The following KRT15 variants were observed in gnomAD, a reference collection of about 807,000 sequenced individuals.
The protein encoded by KRT15 is keratin 15, also known as keratin, type I cytoskeletal 15.
A neutral mutation model predicts 46.6 loss-of-function variants in KRT15; 45 were observed. The ratio of observed to expected loss-of-function variants is 0.97; its 90% CI spans 0.76 to 1.24. KRT15 has a LOEUF of 1.24. Ranked by LOEUF, KRT15 falls within the 50% of genes most tolerant of loss-of-function variation. KRT15 has a pLI of 0.00. For synonymous variants in KRT15, 221 were observed against 233.8 expected (o/e 0.95, Z 0.50); for missense variants, 592 against 588.9 (o/e 1.01, Z -0.05).
rs1905243345 is a variant in KRT15, at chr17:41,513,893, G to T, written c.*130C>A. On this transcript the variant is annotated 3_prime_UTR_variant, in exon 8 of 8. Coordinates refer to ENST00000254043, the MANE Select transcript of KRT15 (RefSeq NM_002275.4). ...GCGCATGCAAAGCCCTGAAATAAAA[G>T]ACCGAGGGACCCTTTTCAGCTCTCT... 2.3e-5 allele frequency: 17 copies of T among 737,094 alleles called. No homozygotes were observed. The Admixed American group carries it at 3.3e-4, about 14-fold the overall frequency. The allele number at this position is 737,094 out of a possible 1,614,324, so 45.7% of individuals were successfully genotyped here. A position where few individuals can be genotyped will look rare whatever the true frequency, so the allele number is the denominator to read the frequency against.
rs1597772810 is a variant in KRT15 at position 41,515,352 on chromosome 17, A to G, written c.1247+120T>C. On this transcript the variant is annotated intron_variant, in intron 6 of 7. Coordinates refer to ENST00000254043, the MANE Select transcript of KRT15 (RefSeq NM_002275.4). Reference sequence around the variant, plus strand: ...GAGTCCAGATCCTCCCTCCTTGCTCAGTTCTCTTTTCACAGTCCCTCAAGG... The same window carrying G: ...GAGTCCAGATCCTCCCTCCTTGCTCGGTTCTCTTTTCACAGTCCCTCAAGG... 4 of 795,990 alleles carry G rather than the reference A, an allele frequency of 5.0e-6. No homozygotes were observed. In the East Asian group the frequency reaches 7.8e-5, roughly 16 times the overall value. The allele number at this position is 795,990 out of a possible 1,614,324, so 49.3% of individuals were successfully genotyped here. A position where few individuals can be genotyped will look rare whatever the true frequency, so the allele number is the denominator to read the frequency against.
intron 6 of KRT15, 156 bp from the exon 7 acceptor site, chr17:41,514,830 T>A (rs1208893711): frequency 1.6e-6 from 1 of 640,634 alleles, no homozygotes; most frequent in Non-Finnish European, 2.7e-6. Flanking sequence ...TGCTAGCCCA[T>A]CCAGGCCTGC....
Position 41,517,269 on chromosome 17 carries a change from C to G in KRT15, c.499-104G>C, listed in dbSNP as rs1905432067. 7 of 970,306 alleles carry G rather than the reference C, an allele frequency of 7.2e-6. No homozygotes were observed. In the East Asian group the frequency reaches 1.7e-4, roughly 24 times the overall value. 60.1% of individuals were successfully genotyped at this position (970,306 alleles called of 1,614,324 possible). On this transcript the variant is annotated intron_variant, in intron 1 of 7. Coordinates refer to ENST00000254043, the MANE Select transcript of KRT15 (RefSeq NM_002275.4). ...CTCATTGAAAATCACCCCTCACTGA[C>G]AATCACCCCTCTGACACCACCAACA...
intron 6 of KRT15, 44 bp from the exon 7 acceptor site, chr17:41,514,718 C>T: frequency 2.5e-6 from 4 of 1,608,406 alleles, no homozygotes; most frequent in Non-Finnish European, 3.4e-6. Context: ...GGCACAAGCT[C>T]AAGTGTCCGT....
At position 41,516,152 on chromosome 17, in the gene KRT15, G is replaced by A; in HGVS notation, c.852C>T (p.Ala284=). The part of the protein sequence containing the change: ...VLAEMREQYE[A]MAEKNRRDVE... ...CATCCCGGCGGTTCTTCTCCGCCAT[G>A]GCCTCGTACTGCTCCCTCATCTCTG... The change falls in exon 4 of 8, where the codon GCC becomes GCT. Residue 284 remains alanine (A), a synonymous_variant. Coordinates refer to ENST00000254043, the MANE Select transcript of KRT15 (RefSeq NM_002275.4). 1 of 1,614,192 alleles carries A rather than the reference G, an allele frequency of 6.2e-7. No homozygotes were observed. Among genetic ancestry groups the A allele is most frequent in the East Asian group, 2.2e-5 (1 of 44,864 alleles).
At chr17:41,514,787 C>A in intron 6 of KRT15, 113 bp from the exon 7 acceptor site, 1 of 1,049,824 alleles carries the variant, frequency 9.5e-7, no homozygotes, top group African/African-American at 1.6e-5. Context: ...CACCACCACC[C>A]ACACATCTGA....
Position 41,514,298 on chromosome 17 carries a change from G to A in KRT15, c.1274-178C>T, listed in dbSNP as rs1597771971. The stretch of plus-strand genomic sequence containing the variant: ...ATTCCTCATCACAGAGATGGGCAGT[G>A]GCAATGGCAGGTATGCCCGGCAGGG... On this transcript the variant is annotated intron_variant, in intron 7 of 7. Coordinates refer to ENST00000254043, the MANE Select transcript of KRT15 (RefSeq NM_002275.4). 32 of 615,608 alleles carry A rather than the reference G, an allele frequency of 5.2e-5. No homozygotes were observed. The East Asian group carries it at 8.2e-4, about 16-fold the overall frequency. 38.1% of individuals were successfully genotyped at this position (615,608 alleles called of 1,614,324 possible). A position where few individuals can be genotyped will look rare whatever the true frequency, so the allele number is the denominator to read the frequency against.
rs1905256337 is a variant in KRT15, at chr17:41,514,202, G to A, written c.1274-82C>T. The A allele has an allele frequency of 1.1e-5, 12 of 1,073,204 alleles. No homozygotes were observed. In the East Asian group the frequency reaches 2.8e-4, roughly 25 times the overall value. 66.5% of individuals were successfully genotyped at this position (1,073,204 alleles called of 1,614,324 possible). A position where few individuals can be genotyped will look rare whatever the true frequency, so the allele number is the denominator to read the frequency against. On this transcript the variant is annotated intron_variant, in intron 7 of 7. Transcript: ENST00000254043. ...GGCCAGGACCTTGGCGGGGCTCTGG[G>A]AAAACTAGACAGCACCCCTGAGAAT... is the stretch of plus-strand genomic sequence containing the variant.
rs1421475692 is a variant in KRT15 at position 41,516,936 on chromosome 17, CCTGG to C, written c.606_609del (p.Gln203AlafsTer16). The stretch of plus-strand genomic sequence containing the variant: ...AAGCCGTTGATGTCAGCCTCAACGC[CCTGG>C]CGCAGGGCCAGCTCATTCTCATACC... On this transcript the variant is annotated frameshift_variant, in exon 3 of 8. Transcript: ENST00000254043. LOFTEE classifies it high-confidence loss of function. 1.2e-5 allele frequency: 19 copies of C among 1,614,212 alleles called. No individual in the cohort carries two copies. Among genetic ancestry groups the C allele is most frequent in the Non-Finnish European group, 1.5e-5 (18 of 1,180,044 alleles).
At position 41,515,951 on chromosome 17, in the gene KRT15, C is replaced by T. The variant is rs145005480; in HGVS notation, c.960G>A (p.Thr320=). Residue 320 remains threonine (T), a synonymous_variant, in exon 5 of 8, where the codon ACG becomes ACA. Transcript: ENST00000254043. Reference sequence around the variant, plus strand: ...TCGTGCGTCTCAGGTCTGTGATCTCCGTCTTGCTGGTCTGGATCATTTCTG... The same window carrying T: ...TCGTGCGTCTCAGGTCTGTGATCTCTGTCTTGCTGGTCTGGATCATTTCTG... ...SNTEMIQTSK[T]EITDLRRTMQ... 9 of 1,614,038 alleles carry T rather than the reference C, an allele frequency of 5.6e-6. No homozygotes were observed. The highest frequency in any genetic ancestry group is 5.3e-5 in the African/African-American group (4 of 74,932).
At chr17:41,517,557 T>C in intron 1 of KRT15, 1 of 257,208 alleles carries the variant, frequency 3.9e-6, no homozygotes, top group Non-Finnish European at 7.6e-6. Flanking sequence ...CACTGCCTCC[T>C]GCACACCTTG....
intron 5 of KRT15, 74 bp downstream of exon 5, chr17:41,515,811 C>T (rs1311453154): frequency 6.2e-7 from 1 of 1,610,558 alleles, no homozygotes; most frequent in Non-Finnish European, 8.5e-7. Context: ...TTGAGAACTC[C>T]AAGGCTTAAA....
intron 1 of KRT15, among the ~76,000 whole-genome samples, chr17:41,517,999 A>G (rs1905471600): frequency 6.6e-6 from 1 of 152,056 alleles, no homozygotes; most frequent in African/African-American, 2.4e-5. Context: ...GACACGAGCA[A>G]TCCTATCACC....
Position 41,516,194 on chromosome 17 carries a change from G to A in KRT15, c.810C>T (p.Asp270=), listed in dbSNP as rs778551588. The A allele has an allele frequency of 6.8e-6, 11 of 1,614,166 alleles. No individual in the cohort carries two copies. Among genetic ancestry groups the A allele is most frequent in the Non-Finnish European group, 8.5e-6 (10 of 1,180,024 alleles). The change falls in exon 4 of 8, where the codon GAC becomes GAT. Residue 270 remains aspartate, a synonymous_variant. Coordinates refer to ENST00000254043, the MANE Select transcript of KRT15 (RefSeq NM_002275.4). ...TCATCTCTGCCAGCACACGGGTCAG[G>A]TCCACACCCGGTGCTGCGTCCATCT... is the stretch of plus-strand genomic sequence containing the variant. ...NVEMDAAPGV[D]LTRVLAEMRE...
At position 41,513,961 on chromosome 17, in the gene KRT15, G is replaced by A; in HGVS notation, c.*62C>T. 8.1e-7 allele frequency: 1 copy of A among 1,239,996 alleles called. No homozygotes were observed. The highest frequency in any genetic ancestry group is 1.2e-6 in the Non-Finnish European group (1 of 839,018). The allele number at this position is 1,239,996 out of a possible 1,614,324, so 76.8% of individuals were successfully genotyped here. A position where few individuals can be genotyped will look rare whatever the true frequency, so the allele number is the denominator to read the frequency against. ...TTTGCATGTGCAGGCCCTCTGGCCA[G>A]TCCTCCACTTGGCCTGATGAGAGTG... On this transcript the variant is annotated 3_prime_UTR_variant, in exon 8 of 8. Coordinates refer to ENST00000254043, the MANE Select transcript of KRT15 (RefSeq NM_002275.4).
chr17:41,518,806 T>G lies in KRT15; in HGVS notation c.22A>C (p.Thr8Pro). ...CCACCCCCAAAGGTGGAGGAAGAAG[T>G]TTGCAGAAATGTGGTGGTCATGGCC... MTTTFLQ[T>P]SSSTFGGGST... Residue 8 changes from threonine to proline, a missense_variant, in exon 1 of 8, where the codon ACT becomes CCT. Coordinates refer to ENST00000254043, the MANE Select transcript of KRT15 (RefSeq NM_002275.4). 1 of 1,526,154 alleles carries G rather than the reference T, an allele frequency of 6.6e-7. No individual in the cohort carries two copies. The highest frequency in any genetic ancestry group is 8.7e-7 in the Non-Finnish European group (1 of 1,145,574). 94.5% of individuals were successfully genotyped at this position (1,526,154 alleles called of 1,614,324 possible).
Position 41,515,537 on chromosome 17 carries a change from G to T in KRT15, c.1182C>A (p.Asp394Glu). The change falls in exon 6 of 8, where the codon GAC becomes GAA. Residue 394 changes from aspartate to glutamate, a missense_variant. Physicochemically the swap from Asp to Glu is conservative, Grantham distance 45. Transcript: ENST00000254043. ...AQNQEYKMLL[D>E]IKTRLEQEIA... ...TCTCCTGCTCCAGCCGTGTCTTTAT[G>T]TCAAGCAGCATCTTGTACTCCTGGT... The T allele has an allele frequency of 6.2e-7, 1 of 1,614,102 alleles. No homozygotes were observed. Among genetic ancestry groups the T allele is most frequent in the African/African-American group, 1.3e-5 (1 of 75,058 alleles).
At position 41,516,961 on chromosome 17, in the gene KRT15, A is replaced by G. The variant is rs769105807; in HGVS notation, c.585T>C (p.Tyr195=). 3.1e-6 allele frequency: 5 copies of G among 1,613,910 alleles called. No individual in the cohort carries two copies. The highest frequency in any genetic ancestry group is 4.2e-6 in the Non-Finnish European group (5 of 1,179,912). Residue 195 remains tyrosine, a synonymous_variant, in exon 3 of 8, where the codon TAT becomes TAC. Transcript: ENST00000254043. The part of the protein sequence containing the change: ...RLAADDFRLK[Y]ENELALRQGV... Reference sequence around the variant, plus strand: ...CCTGGCGCAGGGCCAGCTCATTCTCATACCTGAGGAGAGGGAGGCCAAAGA... The same window carrying G: ...CCTGGCGCAGGGCCAGCTCATTCTCGTACCTGAGGAGAGGGAGGCCAAAGA...
chr17:41,517,616 G>A (rs1187800624), intron 1 of KRT15: 1 of 192,494 alleles, frequency 5.2e-6, no homozygotes. Flanking sequence ...CAACCTGGAG[G>A]GCAGTTAAGA....
Sources: allele counts gnomAD v4.1 joint callset (sites outside exome capture counted in the v4.1 genomes callset), GRCh38; gene constraint gnomAD v4.1.1; transcripts MANE v1.5; gene names NCBI Gene and HGNC (gene_info 2026-07-23, HGNC 2026-07-21).